Variants in NSL1 observed in about 807,000 individuals in gnomAD.
NSL1 encodes kinetochore-associated protein NSL1 homolog.
A neutral mutation model predicts 25.4 loss-of-function variants in NSL1; 11 were observed. That is an observed-to-expected ratio of 0.43 (90% CI 0.27 to 0.72). The LOEUF is 0.72. NSL1 is among the 30% of genes least tolerant of loss of function. NSL1 has a pLI of 0.19. For synonymous variants in NSL1, 118 were observed against 120.6 expected (o/e 0.98, Z 0.14); for missense variants, 330 against 342.7 (o/e 0.96, Z 0.29).
At position 212,736,042 on chromosome 1, in the gene NSL1, C is replaced by A. The variant is rs770767987; in HGVS notation, c.*2366G>T. 46 of 985,180 alleles carry A rather than the reference C, an allele frequency of 4.7e-5. 1 individual carries two copies. In the Admixed American group the frequency reaches 6.8e-4, roughly 14 times the overall value. The allele number at this position is 985,180 out of a possible 1,614,324, so 61.0% of individuals were successfully genotyped here. A position where few individuals can be genotyped will look rare whatever the true frequency, so the allele number is the denominator to read the frequency against. ...CTAGACTTAACCTTCTTGTGTTCTTCTTATTATTATTTTGAAACAGGGTCT... is the reference window on the plus strand; with the variant it reads ...CTAGACTTAACCTTCTTGTGTTCTTATTATTATTATTTTGAAACAGGGTCT... On this transcript the variant is annotated 3_prime_UTR_variant, in exon 6 of 6. Transcript: ENST00000366977.
rs746641110 is a variant in NSL1 at position 212,726,307 on chromosome 1, T to G, written c.*12101A>C. 9 of 152,172 alleles carry G rather than the reference T, an allele frequency of 5.9e-5. No individual in the cohort carries two copies. Among genetic ancestry groups the G allele is most frequent in the Non-Finnish European group, 8.8e-5 (6 of 68,044 alleles). 9.4% of individuals were successfully genotyped at this position (152,172 alleles called of 1,614,324 possible). On this transcript the variant is annotated 3_prime_UTR_variant, in exon 6 of 6. Coordinates refer to ENST00000366977, the MANE Select transcript of NSL1 (RefSeq NM_015471.4). ...TCAGATGTCCCCCATAAACAACTAC[T>G]CTACTCAGTAGGAAGAAAAAAACCC...
intron 4 of NSL1, among the ~76,000 whole-genome samples, chr1:212,773,900 G>A (rs1297186648): frequency 1.3e-5 from 2 of 151,830 alleles, no homozygotes; most frequent in Non-Finnish European, 2.9e-5. Flanking sequence ...GGATGGAACT[G>A]GCATTAGGTT....
Position 212,729,309 on chromosome 1 carries a change from T to TGGCTCCCCTAACTGAC in NSL1, c.*9083_*9098dup, listed in dbSNP as rs1657912180. 2.0e-6 allele frequency: 2 copies of TGGCTCCCCTAACTGAC among 985,040 alleles called. No individual in the cohort carries two copies. The highest frequency in any genetic ancestry group is 2.4e-6 in the Non-Finnish European group (2 of 829,526). The allele number at this position is 985,040 out of a possible 1,614,324, so 61.0% of individuals were successfully genotyped here. ...CTAATGGATCCCTAGATGCTACTGA[T>TGGCTCCCCTAACTGAC]GGCTCCCCTAACTGACGGCAAATTG... On this transcript the variant is annotated 3_prime_UTR_variant, in exon 6 of 6. Transcript: ENST00000366977.
Position 212,791,523 on chromosome 1 carries a change from C to A in NSL1, c.234+7G>T. 1.2e-6 allele frequency: 2 copies of A among 1,611,602 alleles called. No homozygotes were observed. Among genetic ancestry groups the A allele is most frequent in the South Asian group, 1.1e-5 (1 of 90,870 alleles). On this transcript the variant is annotated splice_region_variant and intron_variant, in intron 1 of 5. Transcript: ENST00000366977. The stretch of plus-strand genomic sequence containing the variant: ...ATGAGTAAAGAACTGGCTAACTGGT[C>A]CCGTACCCACTGCGCATCTCGCAGA...
At position 212,726,528 on chromosome 1, in the gene NSL1, G is replaced by A. The variant is rs1657796222; in HGVS notation, c.*11880C>T. 1 of 152,500 alleles carries A rather than the reference G, an allele frequency of 6.6e-6. No homozygotes were observed. The highest frequency in any genetic ancestry group is 2.4e-5 in the African/African-American group (1 of 41,440). 9.4% of individuals were successfully genotyped at this position (152,500 alleles called of 1,614,324 possible). A position where few individuals can be genotyped will look rare whatever the true frequency, so the allele number is the denominator to read the frequency against. On this transcript the variant is annotated 3_prime_UTR_variant, in exon 6 of 6. Coordinates refer to ENST00000366977, the MANE Select transcript of NSL1 (RefSeq NM_015471.4). ...CTATCCAGGTCCCTGTACTCTCTCTGGCCCTCTGGTCTCCACAGCAAATGC... is the reference window on the plus strand; with the variant it reads ...CTATCCAGGTCCCTGTACTCTCTCTAGCCCTCTGGTCTCCACAGCAAATGC...
At position 212,729,049 on chromosome 1, in the gene NSL1, T is replaced by C; in HGVS notation, c.*9359A>G. 4 of 985,452 alleles carry C rather than the reference T, an allele frequency of 4.1e-6. No individual in the cohort carries two copies. Among genetic ancestry groups the C allele is most frequent in the Non-Finnish European group, 4.8e-6 (4 of 829,912 alleles). The allele number at this position is 985,452 out of a possible 1,614,324, so 61.0% of individuals were successfully genotyped here. Reference sequence around the variant, plus strand: ...AAATTTTTTTTAAAGGAAGAATACTTGGGTTGGGCTTACAAGAAAAATAAA... The same window carrying C: ...AAATTTTTTTTAAAGGAAGAATACTCGGGTTGGGCTTACAAGAAAAATAAA... On this transcript the variant is annotated 3_prime_UTR_variant, in exon 6 of 6. Coordinates refer to ENST00000366977, the MANE Select transcript of NSL1 (RefSeq NM_015471.4).
At chr1:212,787,525 CAG>C (rs780022125) in intron 2 of NSL1, 32 bp downstream of exon 2, 7 of 1,493,390 alleles carry the variant, frequency 4.7e-6, no homozygotes, top group Middle Eastern at 1.8e-4. Context: ...AAAAATAACC[CAG>C]AAATTAATAA....
chr1:212,784,570 T>C (rs1660863589), intron 2 of NSL1, 77 bp from the exon 3 acceptor site: 2 of 856,906 alleles, frequency 2.3e-6, no homozygotes, highest in South Asian at 2.9e-5. Flanking sequence ...AAATGTGCTA[T>C]AAACTAAATT....
At chr1:212,743,468 G>GTTT (rs34183694) in intron 4 of NSL1, among the ~76,000 whole-genome samples, 10 of 142,370 alleles carry the variant, frequency 7.0e-5, no homozygotes, top group Non-Finnish European at 1.2e-4. Context: ...TGGCTTATTT[G>GTTT]TTTTTTTTTT....
At chr1:212,758,075 T>C (rs1315932142) in intron 4 of NSL1, among the ~76,000 whole-genome samples, 1 of 152,248 alleles carries the variant, frequency 6.6e-6, no homozygotes, top group Non-Finnish European at 1.5e-5. Context: ...ACTTGTTTCT[T>C]ATGCTTCTAA....
intron 4 of NSL1, among the ~76,000 whole-genome samples, chr1:212,748,840 C>CA (rs1373147738): frequency 2.0e-5 from 3 of 152,104 alleles, no homozygotes; most frequent in African/African-American, 7.2e-5. Flanking sequence ...TCTTCAACCT[C>CA]AATATATTTT....
chr1:212,778,529 C>T (rs1173907731), intron 4 of NSL1, among the ~76,000 whole-genome samples: 2 of 150,982 alleles, frequency 1.3e-5, no homozygotes, highest in Non-Finnish European at 1.5e-5. Flanking sequence ...CTGCTGAGTG[C>T]CTGCGATTGC....
chr1:212,788,826 C>T (rs868222684), intron 1 of NSL1, among the ~76,000 whole-genome samples: 9 of 152,232 alleles, frequency 5.9e-5, no homozygotes, highest in South Asian at 2.1e-4. Context: ...ACAAGCTCTA[C>T]GTAACACTAA....
intron 4 of NSL1, among the ~76,000 whole-genome samples, chr1:212,754,285 AAGG>A (rs1425523478): frequency 1.3e-5 from 2 of 152,198 alleles, no homozygotes; most frequent in Non-Finnish European, 1.5e-5. Flanking sequence ...ACCAGAAAAA[AAGG>A]AGAAGAGAAA....
chr1:212,729,816 T>C lies in NSL1; in HGVS notation c.*8592A>G. 1 of 985,354 alleles carries C rather than the reference T, an allele frequency of 1.0e-6. No individual in the cohort carries two copies. The highest frequency in any genetic ancestry group is 1.2e-6 in the Non-Finnish European group (1 of 829,920). The allele number at this position is 985,354 out of a possible 1,614,324, so 61.0% of individuals were successfully genotyped here. ...CAGCTAGAACATGGAAAAAGCAATG[T>C]AATCAGCTGGTGCTGCAAAGGGCAG... On this transcript the variant is annotated 3_prime_UTR_variant, in exon 6 of 6. Coordinates refer to ENST00000366977, the MANE Select transcript of NSL1 (RefSeq NM_015471.4).
chr1:212,784,864 G>GA (rs1408550520), intron 2 of NSL1, among the ~76,000 whole-genome samples: 1 of 152,152 alleles, frequency 6.6e-6, no homozygotes, highest in Non-Finnish European at 1.5e-5. Context: ...GACTGACTGT[G>GA]AAATATAAGA....
At chr1:212,777,429 G>C (rs1396150815) in intron 4 of NSL1, among the ~76,000 whole-genome samples, 1 of 151,926 alleles carries the variant, frequency 6.6e-6, no homozygotes, top group Non-Finnish European at 1.5e-5. Context: ...ATCTAAGTTA[G>C]TCCCCCTGTA....
rs1387098756 is a variant in NSL1 at position 212,738,246 on chromosome 1, A to C, written c.*162T>G. The C allele has an allele frequency of 7.2e-7, 1 of 1,392,468 alleles. No individual in the cohort carries two copies. Among genetic ancestry groups the C allele is most frequent in the Non-Finnish European group, 9.3e-7 (1 of 1,073,556 alleles). 86.3% of individuals were successfully genotyped at this position (1,392,468 alleles called of 1,614,324 possible). On this transcript the variant is annotated 3_prime_UTR_variant, in exon 6 of 6. Coordinates refer to ENST00000366977, the MANE Select transcript of NSL1 (RefSeq NM_015471.4). ...AGATAAAACAGTAAGGAAATACAAT[A>C]TTATATCATATCCCCGCACAGAGAT...
At position 212,745,174 on chromosome 1, in the gene NSL1, A is replaced by AC. The variant is rs1658716359; in HGVS notation, c.500-5574_500-5573insG. On this transcript the variant is annotated intron_variant, in intron 4 of 5. Transcript: ENST00000366977. Reference sequence around the variant, plus strand: ...AAACAAACAAACTATATATATATATATATATATATATATATATATATATAT... The same window carrying AC: ...AAACAAACAAACTATATATATATATACTATATATATATATATATATATATAT... Among the ~76,000 whole-genome samples, 7 of 28,758 alleles carry AC rather than the reference A, an allele frequency of 2.4e-4. No homozygotes were observed. The South Asian group carries it at 6.8e-3, about 28-fold the overall frequency. The allele number at this position is 28,758 out of a possible 152,430, so 18.9% of individuals were successfully genotyped here.
Sources: gnomAD v4.1 joint callset for allele counts (sites outside exome capture counted in the v4.1 genomes callset) on GRCh38, gnomAD v4.1.1 for gene constraint, MANE v1.5 for transcripts, NCBI Gene and HGNC (gene_info 2026-07-23, HGNC 2026-07-21) for gene names.